LRRC4C: variants seen among roughly 807,000 people sequenced by gnomAD.
The protein encoded by LRRC4C is leucine rich repeat containing 4C, also known as leucine-rich repeat-containing protein 4C.
A neutral mutation model predicts 33.6 loss-of-function variants in LRRC4C; 5 were observed. That is an observed-to-expected ratio of 0.15 (90% CI 0.08 to 0.31). LRRC4C has a LOEUF of 0.31. Among genes scored for constraint, LRRC4C ranks in the 10% least tolerant of loss-of-function variants. The pLI, the probability that LRRC4C is intolerant of heterozygous loss-of-function variation, is 1.00. For missense variants in LRRC4C, 560 were observed against 796.7 expected (o/e 0.70, Z 3.58); for synonymous variants, 329 against 302.0 (o/e 1.09, Z -0.93).
chr11:41,138,850 A>T (rs1943379500), intron 1 of LRRC4C, among the ~76,000 whole-genome samples: 1 of 152,184 alleles, frequency 6.6e-6, no homozygotes, highest in African/African-American at 2.4e-5. Flanking sequence ...ACTATTTCCC[A>T]AGGGAGAACT....
At chr11:41,382,595 A>ATTT (rs1419026193) in intron 1 of LRRC4C, among the ~76,000 whole-genome samples, 1 of 152,126 alleles carries the variant, frequency 6.6e-6, no homozygotes, top group Non-Finnish European at 1.5e-5. Flanking sequence ...AAAGAAAATG[A>ATTT]TTTTACATGG....
chr11:40,168,777 T>C (rs1859809262), intron 5 of LRRC4C, among the ~76,000 whole-genome samples: 1 of 152,220 alleles, frequency 6.6e-6, no homozygotes, highest in Admixed American at 6.5e-5. Context: ...GGAAATCCTT[T>C]ACATAACTAA....
chr11:40,155,554 T>A (rs1590553303), intron 5 of LRRC4C, among the ~76,000 whole-genome samples: 1 of 151,876 alleles, frequency 6.6e-6, no homozygotes, highest in Middle Eastern at 3.2e-3. Context: ...ATACAAAAGA[T>A]CATTCAAGGC....
intron 1 of LRRC4C, among the ~76,000 whole-genome samples, chr11:41,115,016 T>G (rs1370599558): frequency 1.3e-5 from 2 of 152,128 alleles, no homozygotes; most frequent in African/African-American, 4.8e-5. Flanking sequence ...TTTTCATAAC[T>G]GTTGAAGGCA....
intron 1 of LRRC4C, among the ~76,000 whole-genome samples, chr11:41,257,455 G>A (rs1948837294): frequency 6.6e-6 from 1 of 152,050 alleles, no homozygotes; most frequent in African/African-American, 2.4e-5. Flanking sequence ...GTAGCTAGCT[G>A]TTGGGAAGCC....
In LRRC4C at chr11:41,387,205, T is replaced by C. The variant is rs562735683; in HGVS notation, c.-496+72226A>G. On this transcript the variant is annotated intron_variant, in intron 1 of 6. Coordinates refer to ENST00000528697, the MANE Select transcript of LRRC4C (RefSeq NM_001258419.2). Reference sequence around the variant, plus strand: ...TTTTAGGCAATGAGGAGATGATAACTTTTTTTTAAAGGGAAGTGGATAATA... The same window carrying C: ...TTTTAGGCAATGAGGAGATGATAACCTTTTTTTAAAGGGAAGTGGATAATA... 5.2e-4 allele frequency among the ~76,000 whole-genome samples: 22 copies of C among 42,374 alleles called. No individual in the cohort carries two copies. In the East Asian group the frequency reaches 0.014, roughly 27 times the overall value. The allele number at this position is 42,374 out of a possible 152,430, so 27.8% of individuals were successfully genotyped here.
At chr11:41,366,217 GAT>G (rs1400041845) in intron 1 of LRRC4C, among the ~76,000 whole-genome samples, 1 of 150,088 alleles carries the variant, frequency 6.7e-6, no homozygotes, top group African/African-American at 2.5e-5. Flanking sequence ...TAGATAGATA[GAT>G]AGATAGATAG....
intron 2 of LRRC4C, among the ~76,000 whole-genome samples, chr11:40,730,713 A>T (rs2136778726): frequency 6.6e-6 from 1 of 152,286 alleles, no homozygotes; most frequent in Non-Finnish European, 1.5e-5. Context: ...AAATAATCTG[A>T]CTGAGGCTAT....
chr11:40,475,117 A>G (rs1247731273), intron 3 of LRRC4C, among the ~76,000 whole-genome samples: 3 of 152,186 alleles, frequency 2.0e-5, no homozygotes, highest in Non-Finnish European at 4.4e-5. Flanking sequence ...TACCCAAAGG[A>G]GTATAAATCA....
At chr11:41,056,024 T>A (rs978433027) in intron 1 of LRRC4C, among the ~76,000 whole-genome samples, 5 of 152,180 alleles carry the variant, frequency 3.3e-5, no homozygotes, top group Non-Finnish European at 7.4e-5. Context: ...GTTAGTTACA[T>A]GTACACAAGA....
intron 1 of LRRC4C, among the ~76,000 whole-genome samples, chr11:41,324,384 C>T (rs757792914): frequency 2.6e-4 from 39 of 152,164 alleles, no homozygotes; most frequent in Non-Finnish European, 4.4e-4. Context: ...GAGCCAAGAT[C>T]ATGCCATTGC....
At chr11:41,262,092 A>G (rs1297854808) in intron 1 of LRRC4C, among the ~76,000 whole-genome samples, 3 of 152,082 alleles carry the variant, frequency 2.0e-5, no homozygotes, top group Admixed American at 6.6e-5. Context: ...AAATGATAGG[A>G]TCAGGAACTC....
At chr11:41,022,227 A>G (rs1012585149) in intron 1 of LRRC4C, among the ~76,000 whole-genome samples, 1 of 150,680 alleles carries the variant, frequency 6.6e-6, no homozygotes, top group South Asian at 2.1e-4. Flanking sequence ...GTGTATATAT[A>G]TGATCAGAAC....
At chr11:40,603,169 C>T (rs1591247475) in intron 3 of LRRC4C, among the ~76,000 whole-genome samples, 2 of 152,124 alleles carry the variant, frequency 1.3e-5, no homozygotes, top group Admixed American at 1.3e-4. Flanking sequence ...GTCATTTGAA[C>T]ACCAAATGTG....
chr11:41,138,929 C>T (rs985368592), intron 1 of LRRC4C, among the ~76,000 whole-genome samples: 2 of 152,030 alleles, frequency 1.3e-5, no homozygotes, highest in Admixed American at 6.6e-5. Flanking sequence ...ACTTTTAAAC[C>T]CTAAGAATAC....
intron 1 of LRRC4C, among the ~76,000 whole-genome samples, chr11:40,958,256 G>C (rs1442555322): frequency 4.0e-5 from 6 of 151,714 alleles, no homozygotes; most frequent in Non-Finnish European, 8.9e-5. Flanking sequence ...CAGTAGTCTG[G>C]CAATTTAATT....
At chr11:41,370,410 T>C (rs987804643) in intron 1 of LRRC4C, among the ~76,000 whole-genome samples, 1 of 152,024 alleles carries the variant, frequency 6.6e-6, no homozygotes, top group Non-Finnish European at 1.5e-5. Context: ...ATAATTCCCA[T>C]TTGTTGTGGG....
chr11:41,307,257 A>T (rs941459868), intron 1 of LRRC4C, among the ~76,000 whole-genome samples: 2 of 152,096 alleles, frequency 1.3e-5, no homozygotes, highest in African/African-American at 4.8e-5. Context: ...TATGAGCTTA[A>T]TTAAGTTTCT....
chr11:40,969,343 A>G (rs1357060240), intron 1 of LRRC4C, among the ~76,000 whole-genome samples: 1 of 152,074 alleles, frequency 6.6e-6, no homozygotes, highest in African/African-American at 2.4e-5. Context: ...GATGCTGTGA[A>G]TATTTTTGAA....
Sources: allele counts gnomAD v4.1 joint callset (sites outside exome capture counted in the v4.1 genomes callset), GRCh38; gene constraint gnomAD v4.1.1; transcripts MANE v1.5; gene names NCBI Gene and HGNC (gene_info 2026-07-23, HGNC 2026-07-21).